The following DNTTIP2 variants were observed in gnomAD, a reference collection of about 807,000 sequenced individuals.
DNTTIP2 encodes the protein deoxynucleotidyltransferase terminal interacting protein 2.
In DNTTIP2, 47 loss-of-function variants were observed where a neutral mutation model predicts 62.4. The ratio of observed to expected loss-of-function variants is 0.75; its 90% CI spans 0.60 to 0.96. The LOEUF (loss-of-function observed/expected upper bound fraction) is 0.96. Among genes scored for constraint, DNTTIP2 ranks in the 40% least tolerant of loss-of-function variants. The pLI, the probability that DNTTIP2 is intolerant of heterozygous loss-of-function variation, is 0.00. For missense variants in DNTTIP2, 870 were observed against 849.1 expected, an observed-to-expected ratio of 1.02 and a Z score of -0.31; for synonymous variants, 322 against 300.9, an observed-to-expected ratio of 1.07 and a Z score of -0.73.
intron 3 of DNTTIP2, 133 bp from the exon 4 acceptor site, chr1:93,873,347 T>G (rs562203893): frequency 1.6e-6 from 1 of 644,842 alleles, no homozygotes; most frequent in African/African-American, 1.9e-5. Flanking sequence ...TCCTAGTGCT[T>G]TGAGGAGGCC....
At chr1:93,875,605 T>C (rs765704130) in intron 3 of DNTTIP2, 40 bp downstream of exon 3, 4 of 1,565,576 alleles carry the variant, frequency 2.6e-6, no homozygotes, top group South Asian at 1.3e-5. Flanking sequence ...TAAAAGTGAT[T>C]GGTTAGTTCT....
At position 93,876,408 on chromosome 1, in the gene DNTTIP2, G is replaced by A. The variant is rs1188003927; in HGVS notation, c.1527C>T (p.Asp509=). The stretch of plus-strand genomic sequence containing the variant: ...CCTCAATGGCAACCTCACTTGCCTT[G>A]TCTTCCTCTTCCAAGTAAAAATTTT... ...ADKNFYLEEE[D]KASEVAIEEE... is the part of the protein sequence containing the mutation. The change falls in exon 2 of 7, where the codon GAC becomes GAT. Residue 509 remains aspartate (D), a synonymous_variant. Transcript: ENST00000436063. 1.2e-5 allele frequency: 20 copies of A among 1,608,620 alleles called. No individual in the cohort carries two copies. Among genetic ancestry groups the A allele is most frequent in the East Asian group, 2.2e-5 (1 of 44,772 alleles).
chr1:93,874,904 A>T (rs1655959579), intron 3 of DNTTIP2, among the ~76,000 whole-genome samples: 1 of 152,234 alleles, frequency 6.6e-6, no homozygotes, highest in South Asian at 2.1e-4. Flanking sequence ...TGAGAAGCAA[A>T]GGCCTGCACT....
At chr1:93,872,940 A>C (rs1655908661) in intron 4 of DNTTIP2, among the ~76,000 whole-genome samples, 179 bp downstream of exon 4, 1 of 152,052 alleles carries the variant, frequency 6.6e-6, no homozygotes, top group Admixed American at 6.5e-5. Flanking sequence ...CAAAGATGTG[A>C]AAATCTATAC....
intron 5 of DNTTIP2, among the ~76,000 whole-genome samples, chr1:93,871,803 T>C (rs770609601): frequency 1.9e-4 from 29 of 152,206 alleles, no homozygotes; most frequent in Non-Finnish European, 3.7e-4. Flanking sequence ...ATACTATTCA[T>C]ACATTCACAT....
rs1053130025 is a variant in DNTTIP2 at position 93,867,124 on chromosome 1, A to C, written c.*2727T>G. On this transcript the variant is annotated 3_prime_UTR_variant, in exon 7 of 7. Transcript: ENST00000436063. ...GCCACTACACTCCAGCCTGGGCGAC[A>C]GAGCGAGAGTCCGTCTCTCAAAAAA... 1 of 139,138 alleles carries C rather than the reference A, an allele frequency of 7.2e-6. No individual in the cohort carries two copies. The highest frequency in any genetic ancestry group is 1.5e-5 in the Non-Finnish European group (1 of 65,938). The allele number at this position is 139,138 out of a possible 1,614,324, so 8.6% of individuals were successfully genotyped here.
Position 93,877,730 on chromosome 1 carries a change from T to C in DNTTIP2, c.205A>G (p.Ser69Gly), listed in dbSNP as rs752599969. The change falls in exon 2 of 7, where the codon AGC becomes GGC. Residue 69 changes from serine (S) to glycine (G), a missense_variant. Ser to Gly is a moderately conservative substitution (Grantham distance 56, BLOSUM62 0). Transcript: ENST00000436063. ...PRTPKARKRK[S>G]RTTGSLPKGT... ...TTTGGTAGTGAGCCTGTAGTTCTGC[T>C]CTTCCTCTTTCTAGCTTTAGGAGTT... The C allele has an allele frequency of 6.2e-7, 1 of 1,613,872 alleles. No homozygotes were observed. The highest frequency in any genetic ancestry group is 1.1e-5 in the South Asian group (1 of 91,086).
rs1288675469 is a variant in DNTTIP2, at chr1:93,877,326, GGTTCT to G, written c.604_608del (p.Arg202GlnfsTer12). On this transcript the variant is annotated frameshift_variant, in exon 2 of 7. Transcript: ENST00000436063. LOFTEE classifies it high-confidence loss of function. ...CCTTTAATTTCCTCTGCATACTCCT[GGTTCT>G]TCTAGTTGCAATTCCAGAGAATGAA... The G allele has an allele frequency of 6.2e-7, 1 of 1,613,572 alleles. No homozygotes were observed. The highest frequency in any genetic ancestry group is 8.5e-7 in the Non-Finnish European group (1 of 1,179,842).
chr1:93,877,856 CA>C lies in DNTTIP2; in HGVS notation c.78del (p.Phe26LeufsTer32), dbSNP rs1656055468. 6.3e-7 allele frequency: 1 copy of C among 1,598,554 alleles called. No homozygotes were observed. Among genetic ancestry groups the C allele is most frequent in the Admixed American group, 1.7e-5 (1 of 59,720 alleles). On this transcript the variant is annotated frameshift_variant, in exon 2 of 7. Coordinates refer to ENST00000436063, the MANE Select transcript of DNTTIP2 (RefSeq NM_014597.5). LOFTEE classifies it high-confidence loss of function. ...GGATGCGCTTGAATCCCATTAGCAG[CA>C]AAACTCTGCAAACCAGAGAAAACAC... ...ASAESSGQKS[F>X]AANGIQAHPE...
rs1165544671 is a variant in DNTTIP2 at position 93,876,417 on chromosome 1, T to G, written c.1518A>C (p.Glu506Asp). The change falls in exon 2 of 7, where the codon GAA becomes GAC. Residue 506 changes from glutamate (E) to aspartate (D), a missense_variant. Glu to Asp is a conservative substitution (Grantham distance 45). Coordinates refer to ENST00000436063, the MANE Select transcript of DNTTIP2 (RefSeq NM_014597.5). ...CAACCTCACTTGCCTTGTCTTCCTC[T>G]TCCAAGTAAAAATTTTTATCAGCAC... The part of the protein sequence containing the change: ...GMSADKNFYL[E>D]EEDKASEVAI... The G allele has an allele frequency of 1.9e-6, 3 of 1,611,712 alleles. No individual in the cohort carries two copies. In the South Asian group the frequency reaches 3.3e-5, roughly 18 times the overall value.
chr1:93,877,943 TA>T, intron 1 of DNTTIP2, 81 bp from the exon 2 acceptor site: 2 of 1,452,826 alleles, frequency 1.4e-6, no homozygotes, highest in Non-Finnish European at 1.8e-6. Context: ...CCCCAAAAGC[TA>T]AAACCCAGTA....
intron 5 of DNTTIP2, 118 bp from the exon 6 acceptor site, chr1:93,870,910 A>C (rs1347590518): frequency 1.3e-5 from 6 of 469,826 alleles, no homozygotes; most frequent in African/African-American, 1.2e-4. Context: ...CATTACACTA[A>C]TAGTAATGTA....
chr1:93,870,733 T>A lies in DNTTIP2; in HGVS notation c.2127A>T (p.Gln709His), dbSNP rs1655835534. Reference protein sequence around the residue: ...DFYHSRIPKKQRKRTIVEELL... With the variant: ...DFYHSRIPKKHRKRTIVEELL... ...GTTCTTCCACAATAGTTCTTTTCCT[T>A]TGCTTCTTGGGAATTCGTGAATGGT... Residue 709 changes from glutamine to histidine, a missense_variant, in exon 6 of 7, where the codon CAA becomes CAT. By Grantham distance (24) the Gln-to-His change is conservative (BLOSUM62 0). Coordinates refer to ENST00000436063, the MANE Select transcript of DNTTIP2 (RefSeq NM_014597.5). The A allele has an allele frequency of 1.9e-6, 3 of 1,576,056 alleles. No individual in the cohort carries two copies. Among genetic ancestry groups the A allele is most frequent in the South Asian group, 1.2e-5 (1 of 85,130 alleles).
chr1:93,876,362 C>A lies in DNTTIP2; in HGVS notation c.1573G>T (p.Asp525Tyr), dbSNP rs767080771. Reference sequence around the variant, plus strand: ...GATGAATCTTCTTCACTTTTTTCATCCTCTTCCTCTTCTTTTTCTTCCTCA... The same window carrying A: ...GATGAATCTTCTTCACTTTTTTCATACTCTTCCTCTTCTTTTTCTTCCTCA... ...AIEEEKEEEE[D>Y]EKSEEDSSDH... Residue 525 changes from aspartate to tyrosine, a missense_variant, in exon 2 of 7, where the codon GAT becomes TAT. Coordinates refer to ENST00000436063, the MANE Select transcript of DNTTIP2 (RefSeq NM_014597.5). 1 of 1,563,156 alleles carries A rather than the reference C, an allele frequency of 6.4e-7. No homozygotes were observed. The highest frequency in any genetic ancestry group is 8.7e-7 in the Non-Finnish European group (1 of 1,152,940).
chr1:93,878,305 AAAAC>A (rs1456212104), intron 1 of DNTTIP2, among the ~76,000 whole-genome samples: 4 of 152,350 alleles, frequency 2.6e-5, no homozygotes, highest in South Asian at 2.1e-4. Flanking sequence ...CTCCGAATCA[AAAAC>A]AAACAAACAA....
At chr1:93,870,826 G>T in intron 5 of DNTTIP2, 34 bp from the exon 6 acceptor site, 1 of 1,185,476 alleles carries the variant, frequency 8.4e-7, no homozygotes, top group Non-Finnish European at 1.2e-6. Flanking sequence ...GTCATGCATT[G>T]AGTGCCAAGA....
Position 93,872,173 on chromosome 1 carries a change from CATTT to C in DNTTIP2, c.1962_1965del (p.Glu656Ter). The C allele has an allele frequency of 6.2e-7, 1 of 1,613,816 alleles. No homozygotes were observed. Among genetic ancestry groups the C allele is most frequent in the Non-Finnish European group, 8.5e-7 (1 of 1,179,804 alleles). Reference sequence around the variant, plus strand: ...AGTGCTTTGAGATCATTTTTCAGTTCATTTGTCATTTCTGGAGCTTTCATACCAA... The same window carrying C: ...AGTGCTTTGAGATCATTTTTCAGTTCGTCATTTCTGGAGCTTTCATACCAA... On this transcript the variant is annotated frameshift_variant, in exon 5 of 7. Transcript: ENST00000436063. LOFTEE classifies it high-confidence loss of function.
rs770327034 is a variant in DNTTIP2 at position 93,877,350 on chromosome 1, G to C, written c.585C>G (p.Phe195Leu). ...DAETSSSDISFSGIATRRTRS... is the reference protein window; with the variant it reads ...DAETSSSDISLSGIATRRTRS... ...TGGTTCTTCTAGTTGCAATTCCAGA[G>C]AATGAAATGTCTGAGCTTGATGTCT... is the stretch of plus-strand genomic sequence containing the variant. The change falls in exon 2 of 7, where the codon TTC becomes TTG. Residue 195 changes from phenylalanine (F) to leucine (L), a missense_variant. Physicochemically the swap from Phe to Leu is conservative, Grantham distance 22. Transcript: ENST00000436063. 6.2e-7 allele frequency: 1 copy of C among 1,613,690 alleles called. No individual in the cohort carries two copies. Among genetic ancestry groups the C allele is most frequent in the Non-Finnish European group, 8.5e-7 (1 of 1,179,866 alleles).
Position 93,876,438 on chromosome 1 carries a change from A to G in DNTTIP2, c.1497T>C (p.Ala499=), listed in dbSNP as rs749695932. The G allele has an allele frequency of 1.2e-6, 2 of 1,613,658 alleles. No homozygotes were observed. The highest frequency in any genetic ancestry group is 1.1e-5 in the South Asian group (1 of 91,056). Residue 499 remains alanine, a synonymous_variant, in exon 2 of 7, where the codon GCT becomes GCC. Coordinates refer to ENST00000436063, the MANE Select transcript of DNTTIP2 (RefSeq NM_014597.5). ...CCTCTTCCAAGTAAAAATTTTTATC[A>G]GCACTCATTCCAGGAGTTGTGTCAA... is the stretch of plus-strand genomic sequence containing the variant. The part of the protein sequence containing the change: ...FVIDTTPGMS[A]DKNFYLEEED...
Sources: allele counts gnomAD v4.1 joint callset (sites outside exome capture counted in the v4.1 genomes callset), GRCh38; gene constraint gnomAD v4.1.1; transcripts MANE v1.5; gene names NCBI Gene and HGNC (gene_info 2026-07-23, HGNC 2026-07-21).